The following PATZ1 variants were observed in gnomAD, a reference collection of about 807,000 sequenced individuals.
PATZ1 encodes the protein POZ-, AT hook-, and zinc finger-containing protein 1.
PATZ1 carries 9 observed loss-of-function variants against 46.2 expected under a neutral mutation model. That is an observed-to-expected ratio of 0.19 (90% confidence interval 0.12 to 0.34). PATZ1 has a LOEUF of 0.34. PATZ1 is among the 10% of genes least tolerant of loss of function. The pLI, the probability that PATZ1 is intolerant of heterozygous loss-of-function variation, is 1.00. For synonymous variants in PATZ1, 426 were observed against 378.6 expected, an observed-to-expected ratio of 1.13 and a Z score of -1.45; for missense variants, 632 against 923.0, an observed-to-expected ratio of 0.68 and a Z score of 4.08.
At chr22:31,331,378 C>T (rs1252539700) in intron 3 of PATZ1, among the ~76,000 whole-genome samples, 3 of 148,454 alleles carry the variant, frequency 2.0e-5, no homozygotes, top group Non-Finnish European at 3.0e-5. Context: ...GTCTCACTCT[C>T]GCTCAGGCTG....
At chr22:31,343,226 CA>C in intron 1 of PATZ1, 1 of 1,219,200 alleles carries the variant, frequency 8.2e-7, no homozygotes, top group Non-Finnish European at 1.0e-6. Context: ...TTCTCCCCAC[CA>C]GAAACTCAGT....
rs1363018889 is a variant in PATZ1, at chr22:31,344,436, C to T, written c.1167G>A (p.Gly389=). The change falls in exon 1 of 5, where the codon GGG becomes GGA. Residue 389 remains glycine (G), a synonymous_variant. Transcript: ENST00000266269. ...GEKPYSCPVC[G]LRFKRKDRMS... is the part of the protein sequence containing the mutation. ...TGCGGTCTTTTCTCTTGAACCGCAA[C>T]CCACACACAGGGCAGGAGTAGGGCT... is the stretch of plus-strand genomic sequence containing the variant. 1.2e-6 allele frequency: 2 copies of T among 1,614,226 alleles called. No homozygotes were observed. The highest frequency in any genetic ancestry group is 1.7e-6 in the Non-Finnish European group (2 of 1,180,034).
At chr22:31,340,254 A>T (rs2049563284) in intron 2 of PATZ1, among the ~76,000 whole-genome samples, 1 of 152,186 alleles carries the variant, frequency 6.6e-6, no homozygotes, top group Non-Finnish European at 1.5e-5. Flanking sequence ...CTACATTCAG[A>T]TGGCCTTTCT....
chr22:31,331,124 G>T (rs749035801), intron 3 of PATZ1, among the ~76,000 whole-genome samples: 8 of 152,208 alleles, frequency 5.3e-5, no homozygotes, highest in Non-Finnish European at 1.5e-5. Context: ...ATAGATTGGT[G>T]TAAGAGGGTC....
At chr22:31,343,981 G>A (rs1347164267) in intron 1 of PATZ1, among the ~76,000 whole-genome samples, 5 of 152,202 alleles carry the variant, frequency 3.3e-5, no homozygotes, top group Non-Finnish European at 7.3e-5. Context: ...AGTCGCTGGA[G>A]GAGCCCAGTC....
rs1601480632 is a variant in PATZ1 at position 31,327,378 on chromosome 22, A to T, written c.1646-69T>A. The T allele has an allele frequency of 7.5e-7, 1 of 1,327,356 alleles. No individual in the cohort carries two copies. Among genetic ancestry groups the T allele is most frequent in the Middle Eastern group, 2.5e-4 (1 of 3,930 alleles). 82.2% of individuals were successfully genotyped at this position (1,327,356 alleles called of 1,614,324 possible). A position where few individuals can be genotyped will look rare whatever the true frequency, so the allele number is the denominator to read the frequency against. ...GGAGATGCCCCCTCCTGGAGGGGTC[A>T]TGAGGGGCCAGCTCACAGACCTGTG... On this transcript the variant is annotated intron_variant, in intron 4 of 4. Coordinates refer to ENST00000266269, the MANE Select transcript of PATZ1 (RefSeq NM_014323.3). This position sits in a 1 kb window ranked among gnomAD's most constrained non-coding sequence, Gnocchi z 4.2.
At chr22:31,340,929 G>A (rs1372125389) in intron 2 of PATZ1, 2 of 1,067,604 alleles carry the variant, frequency 1.9e-6, no homozygotes, top group Non-Finnish European at 1.1e-6. Context: ...ATCTGAGTGG[G>A]AAGGGCAGAG....
In PATZ1 at chr22:31,344,655, G is replaced by A. The variant is rs747469373; in HGVS notation, c.948C>T (p.Val316=). The A allele has an allele frequency of 3.1e-6, 5 of 1,614,036 alleles. No individual in the cohort carries two copies. The South Asian group carries it at 5.5e-5, about 18-fold the overall frequency. The change falls in exon 1 of 5, where the codon GTC becomes GTT. Residue 316 remains valine (V), a synonymous_variant. Coordinates refer to ENST00000266269, the MANE Select transcript of PATZ1 (RefSeq NM_014323.3). ...RLRQHEAQHG[V]TSLQLGYIDL... ...CGATGTAGCCCAGCTGGAGGCTGGT[G>A]ACACCGTGCTGGGCCTCGTGCTGCC... is the stretch of plus-strand genomic sequence containing the variant.
At chr22:31,332,907 A>G (rs1332012579) in intron 3 of PATZ1, among the ~76,000 whole-genome samples, 5 of 152,238 alleles carry the variant, frequency 3.3e-5, no homozygotes, top group Admixed American at 6.5e-5. Context: ...AAGGAAGAAA[A>G]TCATGGTGAT....
chr22:31,336,409 C>T (rs143362637), intron 2 of PATZ1, among the ~76,000 whole-genome samples: 7 of 152,070 alleles, frequency 4.6e-5, no homozygotes, highest in Admixed American at 4.6e-4. Context: ...GATAATTATT[C>T]GTAATATTTT....
intron 2 of PATZ1, among the ~76,000 whole-genome samples, chr22:31,339,447 G>C (rs2049552467): frequency 6.6e-6 from 1 of 152,198 alleles, no homozygotes; most frequent in Non-Finnish European, 1.5e-5. Flanking sequence ...AGACAACACA[G>C]AACATGAAAG....
Position 31,341,191 on chromosome 22 carries a change from G to C in PATZ1, c.1335+1706C>G, listed in dbSNP as rs931823769. 3.2e-6 allele frequency: 4 copies of C among 1,249,056 alleles called. No individual in the cohort carries two copies. In the African/African-American group the frequency reaches 6.1e-5, roughly 19 times the overall value. The allele number at this position is 1,249,056 out of a possible 1,614,324, so 77.4% of individuals were successfully genotyped here. A position where few individuals can be genotyped will look rare whatever the true frequency, so the allele number is the denominator to read the frequency against. ...AGGGGGGAAAAGGCAAGAGAGCCCA[G>C]AAAGAAACTTGGATGCTATAGGGGG... On this transcript the variant is annotated intron_variant, in intron 2 of 4. Coordinates refer to ENST00000266269, the MANE Select transcript of PATZ1 (RefSeq NM_014323.3).
intron 1 of PATZ1, chr22:31,343,412 T>C (rs928562884): frequency 6.3e-5 from 62 of 988,546 alleles, no homozygotes; most frequent in Non-Finnish European, 7.3e-5. Context: ...CGGATGGAAT[T>C]CAGTCCCCAG....
intron 3 of PATZ1, among the ~76,000 whole-genome samples, chr22:31,333,047 T>C (rs948421412): frequency 9.2e-5 from 14 of 152,240 alleles, no homozygotes; most frequent in Non-Finnish European, 1.6e-4. Flanking sequence ...AATAGTATCA[T>C]ACACATCCTG....
At chr22:31,334,127 G>C (rs2145817273) in intron 3 of PATZ1, among the ~76,000 whole-genome samples, 1 of 152,328 alleles carries the variant, frequency 6.6e-6, no homozygotes, top group South Asian at 2.1e-4. Flanking sequence ...CAGGTTTTGA[G>C]TTATCCGGGG....
intron 3 of PATZ1, among the ~76,000 whole-genome samples, chr22:31,330,199 A>G (rs2049421770): frequency 6.6e-6 from 1 of 152,214 alleles, no homozygotes; most frequent in Non-Finnish European, 1.5e-5. Context: ...GGAAGTGCTG[A>G]TGGCACACCA....
At chr22:31,342,804 G>T in intron 2 of PATZ1, 93 bp downstream of exon 2, 1 of 1,410,962 alleles carries the variant, frequency 7.1e-7, no homozygotes, top group African/African-American at 1.4e-5. Context: ...CGGTCAGCCG[G>T]GCCCCCGGCA....
At chr22:31,335,308 G>A in intron 3 of PATZ1, 1 of 171,944 alleles carries the variant, frequency 5.8e-6, no homozygotes, top group Non-Finnish European at 1.2e-5. Flanking sequence ...AAGCTCTCAA[G>A]CCGGACCAAC....
intron 2 of PATZ1, among the ~76,000 whole-genome samples, chr22:31,342,133 G>C (rs1430996250): frequency 6.6e-6 from 1 of 152,100 alleles, no homozygotes; most frequent in African/African-American, 2.4e-5. Context: ...GGAGAAGACA[G>C]AGGTGTGTTC....
Sources: gnomAD v4.1 joint callset for allele counts (sites outside exome capture counted in the v4.1 genomes callset) on GRCh38, gnomAD v4.1.1 for gene constraint, Gnocchi (gnomAD v3.1) non-coding constraint, MANE v1.5 for transcripts, NCBI Gene and HGNC (gene_info 2026-07-23, HGNC 2026-07-21) for gene names.